Variants in FAM184B observed in about 807,000 individuals in gnomAD.
The protein encoded by FAM184B is protein FAM184B.
Under a neutral mutation model 135.9 loss-of-function variants are expected in FAM184B, and 111 were observed. The ratio of observed to expected loss-of-function variants is 0.82; its 90% CI spans 0.70 to 0.96. The LOEUF (loss-of-function observed/expected upper bound fraction) is 0.96. FAM184B is among the 40% of genes least tolerant of loss of function. FAM184B has a pLI of 0.00. For missense variants in FAM184B, 1,375 were observed against 1,323.9 expected, an observed-to-expected ratio of 1.04 and a Z score of -0.60; for synonymous variants, 552 against 524.8, an observed-to-expected ratio of 1.05 and a Z score of -0.71.
chr4:17,709,726 G>T, intron 1 of FAM184B, 82 bp from the exon 2 acceptor site: 3 of 1,282,866 alleles, frequency 2.3e-6, no homozygotes, highest in South Asian at 1.7e-5. Flanking sequence ...ATATTCTCCT[G>T]CATGGCGGTT....
chr4:17,707,861 C>T (rs1717153567), intron 2 of FAM184B, 77 bp from the exon 3 acceptor site: 3 of 1,510,446 alleles, frequency 2.0e-6, no homozygotes, highest in Non-Finnish European at 2.7e-6. Flanking sequence ...GAATAGCCAT[C>T]AGACCTGAAA....
At chr4:17,744,490 C>CA (rs1553841920) in intron 1 of FAM184B, among the ~76,000 whole-genome samples, 3,279 of 137,270 alleles carry the variant, frequency 0.024, 48 homozygotes, top group African/African-American at 0.04. Flanking sequence ...CACACACACA[C>CA]CACACACACA....
At chr4:17,710,619 C>T (rs991691024) in intron 1 of FAM184B, among the ~76,000 whole-genome samples, 1 of 152,136 alleles carries the variant, frequency 6.6e-6, no homozygotes, top group African/African-American at 2.4e-5. Context: ...TAAATGCTTC[C>T]CTCGTAGGAT....
intron 11 of FAM184B, among the ~76,000 whole-genome samples, chr4:17,652,598 C>A (rs79479354): frequency 0.032 from 4,827 of 152,186 alleles, 241 homozygotes; most frequent in African/African-American, 0.11. Flanking sequence ...TTCCTGGAGC[C>A]CTGGCCTGTG....
chr4:17,774,208 C>T (rs570084677), intron 1 of FAM184B, among the ~76,000 whole-genome samples: 25 of 152,162 alleles, frequency 1.6e-4, no homozygotes, highest in Non-Finnish European at 2.8e-4. Flanking sequence ...GAGACCTCGT[C>T]TCTACCAAAA....
rs372422187 is a variant in FAM184B, at chr4:17,637,362, A to G, written c.2667-717T>C. On this transcript the variant is annotated intron_variant, in intron 14 of 17. Transcript: ENST00000265018. The stretch of plus-strand genomic sequence containing the variant: ...TTTCAGCGTGAAGCCAGAGAAGAGT[A>G]ACTGGGTGGTGAGGAGAGGAGGGCT... 7.7e-4 allele frequency among the ~76,000 whole-genome samples: 118 copies of G among 152,298 alleles called. 4 individuals carry two copies. The South Asian group carries it at 0.022, about 28-fold the overall frequency.
chr4:17,755,027 A>C (rs1718387512), intron 1 of FAM184B, among the ~76,000 whole-genome samples: 1 of 151,998 alleles, frequency 6.6e-6, no homozygotes, highest in South Asian at 2.1e-4. Context: ...CACCTGGCTA[A>C]TTTTTAATTT....
chr4:17,668,101 G>A (rs7693261), intron 7 of FAM184B, among the ~76,000 whole-genome samples: 2,529 of 152,296 alleles, frequency 0.017, 81 homozygotes, highest in African/African-American at 0.058. Context: ...CATTAGCAAA[G>A]GTGGAGCCTT....
At chr4:17,749,552 A>G (rs973045883) in intron 1 of FAM184B, among the ~76,000 whole-genome samples, 1 of 152,254 alleles carries the variant, frequency 6.6e-6, no homozygotes, top group Non-Finnish European at 1.5e-5. Flanking sequence ...ATTAAAAACT[A>G]TCAATGGAAA....
Position 17,632,642 on chromosome 4 carries a change from G to T in FAM184B, c.3090-17C>A, listed in dbSNP as rs1228709837. ...TCTGGGGTCCTAAAAGCAAAAAAAGGTTTTTTTATATGGTTTTGAAAACTA... is the reference window on the plus strand; with the variant it reads ...TCTGGGGTCCTAAAAGCAAAAAAAGTTTTTTTTATATGGTTTTGAAAACTA... On this transcript the variant is annotated splice_polypyrimidine_tract_variant and intron_variant, in intron 17 of 17. Coordinates refer to ENST00000265018, the MANE Select transcript of FAM184B (RefSeq NM_015688.2). The T allele has an allele frequency of 9.5e-6, 10 of 1,055,978 alleles. No individual in the cohort carries two copies. Among genetic ancestry groups the T allele is most frequent in the Non-Finnish European group, 1.3e-5 (9 of 719,488 alleles). The allele number at this position is 1,055,978 out of a possible 1,614,324, so 65.4% of individuals were successfully genotyped here.
chr4:17,698,116 G>A lies in FAM184B; in HGVS notation c.1378-4704C>T, dbSNP rs1035200525. Among the ~76,000 whole-genome samples, 174 of 151,756 alleles carry A rather than the reference G, an allele frequency of 1.1e-3. 4 individuals are homozygous for A. The highest frequency in any genetic ancestry group is 0.011 in the Admixed American group (173 of 15,226). On this transcript the variant is annotated intron_variant, in intron 5 of 17. Coordinates refer to ENST00000265018, the MANE Select transcript of FAM184B (RefSeq NM_015688.2). The stretch of plus-strand genomic sequence containing the variant: ...AACAAAAAAACAATAACAAAGACAA[G>A]GATATTGAGAAAAAAGGAGACTAAT...
intron 1 of FAM184B, among the ~76,000 whole-genome samples, chr4:17,716,893 A>G (rs1038995734): frequency 1.3e-5 from 2 of 152,004 alleles, no homozygotes; most frequent in African/African-American, 4.8e-5. Context: ...GCTCACTGCA[A>G]CCTCTGCCTC....
At chr4:17,724,427 C>T (rs1717597343) in intron 1 of FAM184B, among the ~76,000 whole-genome samples, 1 of 152,194 alleles carries the variant, frequency 6.6e-6, no homozygotes, top group African/African-American at 2.4e-5. Context: ...CAGATCCTGA[C>T]AAGGAAGGGC....
At chr4:17,686,048 T>C (rs1297682227) in intron 7 of FAM184B, among the ~76,000 whole-genome samples, 2 of 152,230 alleles carry the variant, frequency 1.3e-5, no homozygotes, top group African/African-American at 4.8e-5. Context: ...TCAAGAAGGA[T>C]ACCAGCCAAC....
At chr4:17,689,944 T>A (rs572612334) in intron 6 of FAM184B, among the ~76,000 whole-genome samples, 22 of 151,588 alleles carry the variant, frequency 1.5e-4, no homozygotes, top group African/African-American at 4.8e-4. Context: ...AGGTCAGGAG[T>A]TTGAGACCTG....
chr4:17,695,075 G>A (rs1316310939), intron 5 of FAM184B, among the ~76,000 whole-genome samples: 1 of 152,132 alleles, frequency 6.6e-6, no homozygotes. Context: ...ACCATCTGAG[G>A]CCTCAAGCAT....
rs1181357723 is a variant in FAM184B at position 17,709,487 on chromosome 4, C to T, written c.299G>A (p.Arg100His). 2.6e-6 allele frequency: 4 copies of T among 1,547,488 alleles called. No individual in the cohort carries two copies. In the Admixed American group the frequency reaches 5.9e-5, roughly 23 times the overall value. ...CAGGGCGCTCTCCAGGGCCTGGATG[C>T]GCTGTAGAAGGGCTTCCTCCTCTGC... ...GCAEEEALLQRIQALESALEL... is the reference protein window; with the variant it reads ...GCAEEEALLQHIQALESALEL... The change falls in exon 2 of 18, where the codon CGC becomes CAC. Residue 100 changes from arginine (R) to histidine (H), a missense_variant. Physicochemically the swap from Arg to His is conservative, Grantham distance 29. Coordinates refer to ENST00000265018, the MANE Select transcript of FAM184B (RefSeq NM_015688.2).
intron 1 of FAM184B, among the ~76,000 whole-genome samples, chr4:17,710,953 T>C (rs1717253501): frequency 6.6e-6 from 1 of 152,184 alleles, no homozygotes. Context: ...GGAGGCAGCC[T>C]GAGCTACAGA....
At chr4:17,698,592 G>C (rs1481540134) in intron 5 of FAM184B, among the ~76,000 whole-genome samples, 1 of 152,116 alleles carries the variant, frequency 6.6e-6, no homozygotes, top group Non-Finnish European at 1.5e-5. Context: ...CTCAGAACCA[G>C]TCATTAGCAA....
Sources: allele counts gnomAD v4.1 joint callset (sites outside exome capture counted in the v4.1 genomes callset), GRCh38; gene constraint gnomAD v4.1.1; transcripts MANE v1.5; gene names NCBI Gene and HGNC (gene_info 2026-07-23, HGNC 2026-07-21).